The following ENAH variants were observed in gnomAD, a reference collection of about 807,000 sequenced individuals.
ENAH encodes the protein ENAH actin regulator, also known as protein enabled homolog.
A neutral mutation model predicts 78.7 loss-of-function variants in ENAH; 23 were observed. That is an observed-to-expected ratio of 0.29 (90% confidence interval 0.21 to 0.41). ENAH has a LOEUF of 0.41. ENAH is among the 10% of genes least tolerant of loss of function. The probability of loss-of-function intolerance (pLI) is 1.00; values close to 1 mark genes in which losing one functional copy is unlikely to be tolerated. For synonymous variants in ENAH, 226 were observed against 241.0 expected, an observed-to-expected ratio of 0.94 and a Z score of 0.58; for missense variants, 544 against 691.0, an observed-to-expected ratio of 0.79 and a Z score of 2.39.
chr1:225,589,280 GC>G (rs1335273969), intron 1 of ENAH, among the ~76,000 whole-genome samples: 3 of 151,990 alleles, frequency 2.0e-5, no homozygotes, highest in Non-Finnish European at 4.4e-5. Context: ...AATAATCTGT[GC>G]ATTCCGCTAT....
intron 1 of ENAH, among the ~76,000 whole-genome samples, chr1:225,644,389 C>T (rs186127877): frequency 7.8e-4 from 118 of 152,198 alleles, no homozygotes; most frequent in Admixed American, 7.7e-3. Flanking sequence ...ACTTAAGATA[C>T]ATAAATCTTA....
At chr1:225,570,376 A>T (rs1451382640) in intron 1 of ENAH, among the ~76,000 whole-genome samples, 1 of 151,412 alleles carries the variant, frequency 6.6e-6, no homozygotes, top group African/African-American at 2.4e-5. Flanking sequence ...GCGCAGGTCC[A>T]CTTATACATG....
chr1:225,581,332 C>T (rs936995676), intron 1 of ENAH: 4 of 979,210 alleles, frequency 4.1e-6, no homozygotes, highest in South Asian at 4.7e-5. Context: ...TTCCAAGCAC[C>T]GTAGAGTTAA....
chr1:225,530,570 A>G lies in ENAH; in HGVS notation c.418T>C (p.Leu140=), dbSNP rs1167930835. The G allele has an allele frequency of 3.7e-6, 6 of 1,613,088 alleles. 1 individual carries two copies. Among genetic ancestry groups the G allele is most frequent in the South Asian group, 3.3e-5 (3 of 91,032 alleles). ...QVQNGPSQEE[L]EIQRRQLQEQ... Reference sequence around the variant, plus strand: ...AAAATTTACCTTCTTTGAATTTCCAATTCTTCTTGGGATGGGCCATTTTGA... The same window carrying G: ...AAAATTTACCTTCTTTGAATTTCCAGTTCTTCTTGGGATGGGCCATTTTGA... Residue 140 remains leucine, a synonymous_variant, in exon 4 of 14, where the codon TTG becomes CTG. Coordinates refer to ENST00000366843, the MANE Select transcript of ENAH (RefSeq NM_018212.6).
At position 225,554,907 on chromosome 1, in the gene ENAH, T is replaced by G; in HGVS notation, c.348A>C (p.Thr116=). The G allele has an allele frequency of 6.5e-7, 1 of 1,530,562 alleles. No individual in the cohort carries two copies. The highest frequency in any genetic ancestry group is 8.9e-7 in the Non-Finnish European group (1 of 1,120,822). 94.8% of individuals were successfully genotyped at this position (1,530,562 alleles called of 1,614,324 possible). A position where few individuals can be genotyped will look rare whatever the true frequency, so the allele number is the denominator to read the frequency against. ...HALEVLNSQE[T]GPTLPRQNSQ... Reference sequence around the variant, plus strand: ...ACAAATAAACCATGGGCACCTTACCTGTTTCCTGTGAATTTAACACTTCTA... The same window carrying G: ...ACAAATAAACCATGGGCACCTTACCGGTTTCCTGTGAATTTAACACTTCTA... The change falls in exon 3 of 14, where the codon ACA becomes ACC. Residue 116 remains threonine, a splice_region_variant and synonymous_variant. Transcript: ENST00000366843.
intron 1 of ENAH, among the ~76,000 whole-genome samples, chr1:225,618,602 CA>C (rs568993694): frequency 6.6e-4 from 101 of 152,352 alleles, no homozygotes; most frequent in Non-Finnish European, 1.2e-3. Flanking sequence ...ACCCATTCCA[CA>C]AATCTATCAA....
chr1:225,522,255 C>A (rs1189489528), intron 4 of ENAH, among the ~76,000 whole-genome samples: 5 of 152,144 alleles, frequency 3.3e-5, no homozygotes, highest in African/African-American at 9.7e-5. Flanking sequence ...TTCCAAAAAT[C>A]TCTCTCCTTC....
At chr1:225,568,145 G>A (rs1389445849) in intron 1 of ENAH, among the ~76,000 whole-genome samples, 2 of 152,112 alleles carry the variant, frequency 1.3e-5, no homozygotes, top group Non-Finnish European at 2.9e-5. Context: ...ATATTAAAGG[G>A]GAAAAGGCCA....
At chr1:225,499,630 C>G (rs1365869084) in intron 12 of ENAH, among the ~76,000 whole-genome samples, 1 of 152,158 alleles carries the variant, frequency 6.6e-6, no homozygotes, top group African/African-American at 2.4e-5. Flanking sequence ...TGAGATTGCA[C>G]TACTGCACTC....
Position 225,530,626 on chromosome 1 carries a change from G to A in ENAH, c.362C>T (p.Pro121Leu), listed in dbSNP as rs530644071. ...LNSQETGPTL[P>L]RQNSQLPAQV... Reference sequence around the variant, plus strand: ...AGCAGGTAGTTGTGAGTTTTGTCTAGGCAATGTTGGCCCTACAGAGGGAGA... The same window carrying A: ...AGCAGGTAGTTGTGAGTTTTGTCTAAGCAATGTTGGCCCTACAGAGGGAGA... Residue 121 changes from proline to leucine, a missense_variant, in exon 4 of 14, where the codon CCT becomes CTT. Coordinates refer to ENST00000366843, the MANE Select transcript of ENAH (RefSeq NM_018212.6). 6.2e-7 allele frequency: 1 copy of A among 1,612,812 alleles called. No individual in the cohort carries two copies. Among genetic ancestry groups the A allele is most frequent in the African/African-American group, 1.3e-5 (1 of 74,978 alleles).
chr1:225,539,842 T>G (rs771475529), intron 3 of ENAH, among the ~76,000 whole-genome samples: 2 of 152,358 alleles, frequency 1.3e-5, no homozygotes, highest in Middle Eastern at 3.4e-3. Flanking sequence ...GGCGTGCCTC[T>G]TTTTGTACCA....
chr1:225,489,073 A>G lies in ENAH; in HGVS notation c.*8702T>C, dbSNP rs1445597988. ...AACAGCAGCACAGCAGGTTCAGATG[A>G]TATGAAAACCACTGAATTCTGCCCA... On this transcript the variant is annotated 3_prime_UTR_variant, in exon 14 of 14. Transcript: ENST00000366843. 1 of 152,228 alleles carries G rather than the reference A, an allele frequency of 6.6e-6. No individual in the cohort carries two copies. Among genetic ancestry groups the G allele is most frequent in the Non-Finnish European group, 1.5e-5 (1 of 68,046 alleles). 9.4% of individuals were successfully genotyped at this position (152,228 alleles called of 1,614,324 possible).
chr1:225,562,204 A>G (rs1190761332), intron 2 of ENAH, among the ~76,000 whole-genome samples: 2 of 151,388 alleles, frequency 1.3e-5, no homozygotes, highest in East Asian at 4.0e-4. Context: ...TAAAGGCGTG[A>G]GCCACTGCAC....
chr1:225,588,972 G>C (rs1014026647), intron 1 of ENAH, among the ~76,000 whole-genome samples: 1 of 152,120 alleles, frequency 6.6e-6, no homozygotes, highest in Non-Finnish European at 1.5e-5. Flanking sequence ...TTCACCCAAA[G>C]ATTCATCAGA....
At chr1:225,636,729 G>A (rs568949882) in intron 1 of ENAH, among the ~76,000 whole-genome samples, 1 of 152,278 alleles carries the variant, frequency 6.6e-6, no homozygotes, top group East Asian at 1.9e-4. Flanking sequence ...CAATAGTCAT[G>A]AGTTTAGTTT....
At chr1:225,652,554 G>T (rs188000671) in intron 1 of ENAH, 132 bp downstream of exon 1, 10,792 of 1,063,366 alleles carry the variant, frequency 0.01, 70 homozygotes, top group Non-Finnish European at 0.012. Context: ...AAAGGCGGAG[G>T]GGGGAGGAAC....
At chr1:225,563,251 T>A (rs923676207) in intron 2 of ENAH, among the ~76,000 whole-genome samples, 2 of 152,196 alleles carry the variant, frequency 1.3e-5, no homozygotes, top group African/African-American at 4.8e-5. Context: ...CAGCTGTTTC[T>A]TTCTTATCAA....
intron 3 of ENAH, among the ~76,000 whole-genome samples, chr1:225,543,215 C>T (rs902485069): frequency 8.6e-5 from 13 of 152,014 alleles, no homozygotes; most frequent in African/African-American, 2.9e-4. Context: ...ATCCAGTCTT[C>T]AAAGTGGGAC....
intron 1 of ENAH, among the ~76,000 whole-genome samples, chr1:225,598,540 G>GT (rs34057900): frequency 1.6e-4 from 25 of 151,658 alleles, no homozygotes; most frequent in African/African-American, 5.6e-4. Flanking sequence ...ACATTACTGA[G>GT]TTTTTTTTAA....
Sources: allele counts gnomAD v4.1 joint callset (sites outside exome capture counted in the v4.1 genomes callset), GRCh38; gene constraint gnomAD v4.1.1; transcripts MANE v1.5; gene names NCBI Gene and HGNC (gene_info 2026-07-23, HGNC 2026-07-21).